The following LARGE1 variants were observed in gnomAD, a reference collection of about 807,000 sequenced individuals.
LARGE1 encodes LARGE xylosyl- and glucuronyltransferase 1, also known as xylosyl- and glucuronyltransferase LARGE1.
LARGE1 carries 43 observed loss-of-function variants against 87.6 expected under a neutral mutation model. That is an observed-to-expected ratio of 0.49 (90% confidence interval 0.38 to 0.63). The LOEUF is 0.63. Ranked by LOEUF, LARGE1 falls within the 30% of genes least tolerant of loss-of-function variation. The pLI is 0.00. For missense variants in LARGE1, 802 were observed against 1,000.2 expected, an observed-to-expected ratio of 0.80 and a Z score of 2.67; for synonymous variants, 434 against 394.6, an observed-to-expected ratio of 1.10 and a Z score of -1.18.
chr22:33,341,971 G>A (rs1939194693), intron 9 of LARGE1, among the ~76,000 whole-genome samples: 1 of 152,226 alleles, frequency 6.6e-6, no homozygotes, highest in Non-Finnish European at 1.5e-5. Context: ...TCCGCATTCA[G>A]GAGAGTAGAG....
intron 11 of LARGE1, among the ~76,000 whole-genome samples, chr22:33,308,609 T>C (rs1405386070): frequency 6.6e-6 from 1 of 152,106 alleles, no homozygotes; most frequent in Non-Finnish European, 1.5e-5. Flanking sequence ...AAACATGACA[T>C]GAGAAGAGGT....
chr22:33,414,186 C>T (rs950663519), intron 7 of LARGE1, among the ~76,000 whole-genome samples: 10 of 152,044 alleles, frequency 6.6e-5, no homozygotes, highest in African/African-American at 1.4e-4. Flanking sequence ...GGTTCCATTA[C>T]GCCAAGTGAA....
At chr22:33,763,838 CTTTTTTTTT>C (rs71187279) in intron 1 of LARGE1, among the ~76,000 whole-genome samples, 34 of 71,188 alleles carry the variant, frequency 4.8e-4, no homozygotes, top group African/African-American at 1.1e-3. Context: ...AATTAGTTTG[CTTTTTTTTT>C]TTTTTTTTTT....
At chr22:33,898,969 T>C (rs943491771) in intron 1 of LARGE1, among the ~76,000 whole-genome samples, 2 of 152,182 alleles carry the variant, frequency 1.3e-5, no homozygotes, top group Admixed American at 6.5e-5. Flanking sequence ...GGATGTGCTA[T>C]TTATGCTGCT....
At chr22:33,138,984 AG>A in the LARGE1 span, among the ~76,000 whole-genome samples, 1 of 152,142 alleles carries the variant, frequency 6.6e-6, no homozygotes, top group Admixed American at 6.5e-5. Context: ...TTCTCGTGAT[AG>A]TGAATAAGTC....
chr22:33,856,443 C>G (rs1399064297), intron 1 of LARGE1, among the ~76,000 whole-genome samples: 1 of 152,220 alleles, frequency 6.6e-6, no homozygotes, highest in Non-Finnish European at 1.5e-5. Flanking sequence ...AATAGATCTA[C>G]TGATCATCAG....
At chr22:33,492,889 G>A (rs1004009544) in intron 6 of LARGE1, among the ~76,000 whole-genome samples, 2 of 152,170 alleles carry the variant, frequency 1.3e-5, no homozygotes, top group Admixed American at 6.5e-5. Context: ...CAGGGAGGGA[G>A]GAGGGAAATG....
chr22:33,093,362 A>C, the LARGE1 span, among the ~76,000 whole-genome samples: 1 of 152,228 alleles, frequency 6.6e-6, no homozygotes, highest in Admixed American at 6.5e-5. Flanking sequence ...ACAAAGGCAT[A>C]AAATTTATTT....
chr22:33,650,243 A>C, intron 3 of LARGE1, 124 bp downstream of exon 3: 1 of 1,219,048 alleles, frequency 8.2e-7, no homozygotes, highest in Non-Finnish European at 1.2e-6. Context: ...AGACTTACAC[A>C]CCCGGGCTAG....
chr22:33,173,273 A>G (rs1922678196), intron 11 of LARGE1, among the ~76,000 whole-genome samples: 1 of 152,212 alleles, frequency 6.6e-6, no homozygotes, highest in African/African-American at 2.4e-5. Flanking sequence ...TTCATAAGCA[A>G]AGGAGAAATA....
rs539685356 is a variant in LARGE1, at chr22:33,864,761, C to G, written c.-83+55234G>C. ...CAAAGCCCACAGAACAGGGCTTTCC[C>G]CAGAGGCCCGTGGCCACATTTTTCC... is the stretch of plus-strand genomic sequence containing the variant. On this transcript the variant is annotated intron_variant, in intron 1 of 14. Coordinates refer to ENST00000397394, the MANE Select transcript of LARGE1 (RefSeq NM_133642.5). Among the ~76,000 whole-genome samples, 46 of 152,310 alleles carry G rather than the reference C, an allele frequency of 3.0e-4. 2 individuals are homozygous for G. In the South Asian group the frequency reaches 8.3e-3, roughly 27 times the overall value.
At chr22:33,897,659 A>G (rs1403529614) in intron 1 of LARGE1, among the ~76,000 whole-genome samples, 1 of 152,230 alleles carries the variant, frequency 6.6e-6, no homozygotes, top group Non-Finnish European at 1.5e-5. Flanking sequence ...ACGAGAGTCT[A>G]AGTGACTGCA....
intron 9 of LARGE1, among the ~76,000 whole-genome samples, chr22:33,368,915 A>G (rs925902432): frequency 2.0e-5 from 3 of 152,204 alleles, no homozygotes; most frequent in Non-Finnish European, 4.4e-5. Flanking sequence ...GTGAGTCACA[A>G]TCCTTTTGCT....
At chr22:33,827,163 C>T (rs899302178) in intron 1 of LARGE1, among the ~76,000 whole-genome samples, 1 of 151,662 alleles carries the variant, frequency 6.6e-6, no homozygotes, top group Admixed American at 6.6e-5. Context: ...GAGATCGAGA[C>T]CATCCTAGCT....
At chr22:33,382,084 A>G (rs780373587) in intron 8 of LARGE1, 40 bp from the exon 9 acceptor site, 1 of 1,612,984 alleles carries the variant, frequency 6.2e-7, no homozygotes, top group Non-Finnish European at 8.5e-7. Flanking sequence ...AGACAGTCGG[A>G]TGGTCCAGCT....
At chr22:33,591,950 C>G (rs149240094) in intron 5 of LARGE1, among the ~76,000 whole-genome samples, 10 of 150,334 alleles carry the variant, frequency 6.7e-5, no homozygotes, top group African/African-American at 2.2e-4. Context: ...TGCTTGAGCC[C>G]AGGTATTTGA....
At chr22:33,620,543 T>C (rs117871655) in intron 4 of LARGE1, among the ~76,000 whole-genome samples, 4 of 152,330 alleles carry the variant, frequency 2.6e-5, no homozygotes, top group East Asian at 1.9e-4. Context: ...TTATAATTTG[T>C]ATATATTTTT....
rs1040172997 is a variant in LARGE1, at chr22:33,564,868, G to A, written c.767C>T (p.Ala256Val). 6.8e-6 allele frequency: 11 copies of A among 1,614,048 alleles called. No homozygotes were observed. Among genetic ancestry groups the A allele is most frequent in the Non-Finnish European group, 9.3e-6 (11 of 1,180,030 alleles). ...ATTACCTTTGAACTTGTGGAACACA[G>A]CCCACAGCTCTGCAATGTCAGTGGC... ...TFATDIAELW[A>V]VFHKFKGQQV... The change falls in exon 6 of 15, where the codon GCT (alanine) becomes GTT (valine). Residue 256 changes from alanine to valine, a missense_variant. Ala to Val is a moderately conservative substitution (Grantham distance 64). Around this residue, in one of 2 missense-constraint regions of LARGE1, gnomAD observed 625 missense variants for 841.9 expected, o/e 0.74. Coordinates refer to ENST00000397394, the MANE Select transcript of LARGE1 (RefSeq NM_133642.5).
intron 6 of LARGE1, among the ~76,000 whole-genome samples, chr22:33,549,170 C>G (rs906103583): frequency 4.6e-5 from 7 of 152,214 alleles, no homozygotes; most frequent in African/African-American, 1.7e-4. Flanking sequence ...CATACCTCTG[C>G]CTGCTGCATC....
Sources: allele counts gnomAD v4.1 joint callset (sites outside exome capture counted in the v4.1 genomes callset), GRCh38; gene constraint gnomAD v4.1.1; regional missense constraint gnomAD v4.1.1; transcripts MANE v1.5; gene names NCBI Gene and HGNC (gene_info 2026-07-23, HGNC 2026-07-21).